Variants in CTNNA3 observed in about 807,000 individuals in gnomAD.
The protein encoded by CTNNA3 is catenin alpha-3.
A neutral mutation model predicts 95.7 loss-of-function variants in CTNNA3; 76 were observed. The observed-to-expected ratio is 0.79, with a 90% CI of 0.66 to 0.96. The LOEUF (loss-of-function observed/expected upper bound fraction) is 0.96. CTNNA3 is among the 40% of genes least tolerant of loss of function. The pLI, the probability that CTNNA3 is intolerant of heterozygous loss-of-function variation, is 0.00. For synonymous variants in CTNNA3, 431 were observed against 374.4 expected, an observed-to-expected ratio of 1.15 and a Z score of -1.74; for missense variants, 1,191 against 1,089.8, an observed-to-expected ratio of 1.09 and a Z score of -1.31.
chr10:67,072,893 T>TTAGAAGCTTTTAGCCTAGCCTTG (rs71006119), intron 7 of CTNNA3, among the ~76,000 whole-genome samples: 2 of 152,182 alleles, frequency 1.3e-5, no homozygotes, highest in African/African-American at 4.8e-5. Context: ...GCTCTGCCTT[T>TTAGAAGCTTTTAGCCTAGCCTTG]GGCTTCCTAT....
intron 9 of CTNNA3, among the ~76,000 whole-genome samples, chr10:66,708,395 C>A: frequency 6.6e-6 from 1 of 152,098 alleles, no homozygotes; most frequent in Middle Eastern, 3.4e-3. Context: ...CTTCGCATGG[C>A]CTTTCCTCTG....
chr10:67,568,562 C>T (rs6480273), intron 3 of CTNNA3, among the ~76,000 whole-genome samples: 59,422 of 151,066 alleles, frequency 0.39, 14,763 homozygotes, highest in East Asian at 0.68. Context: ...GACACACACA[C>T]ATATATATAT....
intron 7 of CTNNA3, among the ~76,000 whole-genome samples, chr10:67,009,284 A>C (rs1423930574): frequency 6.6e-6 from 1 of 151,980 alleles, no homozygotes; most frequent in Non-Finnish European, 1.5e-5. Context: ...TCTTCCCATA[A>C]TAAATGTTGT....
At chr10:66,176,795 G>A (rs2085735499) in intron 13 of CTNNA3, among the ~76,000 whole-genome samples, 1 of 152,022 alleles carries the variant, frequency 6.6e-6, no homozygotes, top group South Asian at 2.1e-4. Context: ...AGAACTGTGA[G>A]AAATAAATTT....
At chr10:67,671,898 T>C (rs1242453986) in intron 1 of CTNNA3, among the ~76,000 whole-genome samples, 1 of 152,052 alleles carries the variant, frequency 6.6e-6, no homozygotes, top group Admixed American at 6.6e-5. Flanking sequence ...CTGGGTCAAA[T>C]GGTATTTGTA....
At chr10:67,365,958 A>G (rs1843199115) in intron 5 of CTNNA3, among the ~76,000 whole-genome samples, 1 of 152,234 alleles carries the variant, frequency 6.6e-6, no homozygotes, top group African/African-American at 2.4e-5. Context: ...TCACAATAGC[A>G]AAGACTTGGA....
chr10:66,927,866 G>A lies in CTNNA3; in HGVS notation c.1048-152342C>T. The stretch of plus-strand genomic sequence containing the variant: ...CTTGCTGGGAATATATGGGAATGCA[G>A]CAGAAATATTTGCTCCCTTGTAAAC... On this transcript the variant is annotated intron_variant, in intron 7 of 17. Transcript: ENST00000433211. This position sits in a 1 kb window ranked among gnomAD's most constrained non-coding sequence, Gnocchi z 4.7. The A allele has an allele frequency of 1.2e-6, 2 of 1,614,228 alleles. No homozygotes were observed. Among genetic ancestry groups the A allele is most frequent in the South Asian group, 1.1e-5 (1 of 91,082 alleles).
At chr10:66,463,354 C>T (rs1250405038) in intron 11 of CTNNA3, among the ~76,000 whole-genome samples, 1 of 152,262 alleles carries the variant, frequency 6.6e-6, no homozygotes, top group African/African-American at 2.4e-5. Context: ...CTCCCCTTCA[C>T]CTTCCTCCAC....
At chr10:67,236,097 C>G (rs367786508) in intron 5 of CTNNA3, among the ~76,000 whole-genome samples, 7,872 of 115,684 alleles carry the variant, frequency 0.068, 278 homozygotes, top group East Asian at 0.15. Flanking sequence ...GTGGAAGTCA[C>G]TGTGGCGATT....
intron 13 of CTNNA3, among the ~76,000 whole-genome samples, chr10:66,149,406 A>G (rs2084072116): frequency 6.6e-6 from 1 of 151,136 alleles, no homozygotes; most frequent in Admixed American, 6.6e-5. Flanking sequence ...AGTAGCTGTC[A>G]GTTTTTTGTT....
intron 13 of CTNNA3, among the ~76,000 whole-genome samples, chr10:66,248,464 T>A (rs571454276): frequency 6.6e-6 from 1 of 151,912 alleles, no homozygotes; most frequent in Non-Finnish European, 1.5e-5. Flanking sequence ...GAATAGATTT[T>A]AAAAAACCCA....
intron 10 of CTNNA3, among the ~76,000 whole-genome samples, chr10:66,583,420 T>C (rs537737991): frequency 4.6e-5 from 7 of 151,894 alleles, no homozygotes; most frequent in Non-Finnish European, 8.8e-5. Flanking sequence ...GGGGGTTGTA[T>C]GTTTCCAGGA....
intron 5 of CTNNA3, among the ~76,000 whole-genome samples, chr10:67,507,590 A>C (rs1341633673): frequency 6.6e-6 from 1 of 152,094 alleles, no homozygotes; most frequent in Non-Finnish European, 1.5e-5. Context: ...TCAATAATTA[A>C]AAAGTCTCAT....
At chr10:67,081,924 C>A (rs1324465600) in intron 7 of CTNNA3, among the ~76,000 whole-genome samples, 1 of 151,990 alleles carries the variant, frequency 6.6e-6, no homozygotes, top group African/African-American at 2.4e-5. Flanking sequence ...TGCATGGATC[C>A]CTATTAAAGA....
chr10:67,416,534 G>A (rs1038493251), intron 5 of CTNNA3, among the ~76,000 whole-genome samples: 3 of 151,060 alleles, frequency 2.0e-5, no homozygotes, highest in Non-Finnish European at 3.0e-5. Context: ...CGTGAACCCG[G>A]GGGGCGGAGC....
At chr10:67,288,541 C>T (rs1239799444) in intron 5 of CTNNA3, among the ~76,000 whole-genome samples, 1 of 152,092 alleles carries the variant, frequency 6.6e-6, no homozygotes, top group East Asian at 1.9e-4. Flanking sequence ...AAGATTGCAA[C>T]CTTAACAGAA....
chr10:66,438,271 G>A (rs1340522295), intron 11 of CTNNA3, among the ~76,000 whole-genome samples: 12 of 152,194 alleles, frequency 7.9e-5, no homozygotes, highest in Non-Finnish European at 1.2e-4. Flanking sequence ...AGACAGAAAC[G>A]TTTAAGTCTG....
intron 11 of CTNNA3, among the ~76,000 whole-genome samples, chr10:66,383,358 C>G (rs922148691): frequency 2.0e-5 from 3 of 151,924 alleles, no homozygotes; most frequent in Non-Finnish European, 4.4e-5. Flanking sequence ...GATTGAAGAT[C>G]AAATTAATGA....
At chr10:67,042,677 G>A (rs948900041) in intron 7 of CTNNA3, among the ~76,000 whole-genome samples, 62 of 152,054 alleles carry the variant, frequency 4.1e-4, no homozygotes, top group African/African-American at 1.4e-3. Flanking sequence ...AGGTAAGAGT[G>A]GGGAAACTAT....
Sources: gnomAD v4.1 joint callset for allele counts (sites outside exome capture counted in the v4.1 genomes callset) on GRCh38, gnomAD v4.1.1 for gene constraint, Gnocchi (gnomAD v3.1) non-coding constraint, MANE v1.5 for transcripts, NCBI Gene and HGNC (gene_info 2026-07-23, HGNC 2026-07-21) for gene names.